Variants in LRRC72 observed in about 807,000 individuals in gnomAD.
LRRC72 encodes the protein leucine rich repeat containing 72, also known as leucine-rich repeat-containing protein 72.
A neutral mutation model predicts 35.8 loss-of-function variants in LRRC72; 41 were observed. The ratio of observed to expected loss-of-function variants is 1.15; its 90% confidence interval spans 0.89 to 1.49. LRRC72 has a LOEUF of 1.49. Among genes scored for constraint, LRRC72 ranks in the 40% most tolerant of loss-of-function variants. LRRC72 has a pLI of 0.00. For missense variants in LRRC72, 389 were observed against 330.7 expected (o/e 1.18, Z -1.37); for synonymous variants, 118 against 119.2 (o/e 0.99, Z 0.07).
At chr7:16,565,244 C>T (rs1029832175) in intron 5 of LRRC72, among the ~76,000 whole-genome samples, 8 of 152,138 alleles carry the variant, frequency 5.3e-5, no homozygotes, top group African/African-American at 1.9e-4. Flanking sequence ...ACCAGCCTTG[C>T]CAACATGGCG....
intron 8 of LRRC72, among the ~76,000 whole-genome samples, chr7:16,580,923 T>A (rs1044673504): frequency 2.0e-5 from 3 of 152,154 alleles, no homozygotes; most frequent in African/African-American, 7.2e-5. Flanking sequence ...TTGAATATTA[T>A]CTCCATGTAC....
chr7:16,580,812 A>G (rs923756244), intron 8 of LRRC72, among the ~76,000 whole-genome samples: 1 of 152,196 alleles, frequency 6.6e-6, no homozygotes, highest in Non-Finnish European at 1.5e-5. Context: ...GCACCTCACT[A>G]ATACTATGGA....
At chr7:16,543,987 T>C (rs551633779) in intron 3 of LRRC72, among the ~76,000 whole-genome samples, 1 of 152,348 alleles carries the variant, frequency 6.6e-6, no homozygotes, top group Admixed American at 6.5e-5. Flanking sequence ...AAAAGCATCC[T>C]ATTTGGATAT....
At chr7:16,573,662 A>G (rs1399684068) in intron 7 of LRRC72, among the ~76,000 whole-genome samples, 1 of 152,212 alleles carries the variant, frequency 6.6e-6, no homozygotes, top group Non-Finnish European at 1.5e-5. Flanking sequence ...CTCAAGATGG[A>G]TTAGAGACTT....
intron 3 of LRRC72, among the ~76,000 whole-genome samples, chr7:16,542,576 C>A (rs184171245): frequency 1.2e-3 from 181 of 152,272 alleles, no homozygotes; most frequent in African/African-American, 4.1e-3. Context: ...CTGAAGGAGG[C>A]TTCCAGGTCA....
At chr7:16,554,048 GC>G (rs1354329067) in intron 3 of LRRC72, among the ~76,000 whole-genome samples, 1 of 152,122 alleles carries the variant, frequency 6.6e-6, no homozygotes, top group Non-Finnish European at 1.5e-5. Context: ...ACATTTTACG[GC>G]CAGGTGCGGT....
chr7:16,552,670 G>C (rs1782574288), intron 3 of LRRC72, among the ~76,000 whole-genome samples: 1 of 152,154 alleles, frequency 6.6e-6, no homozygotes, highest in South Asian at 2.1e-4. Flanking sequence ...ACAGTTCCTG[G>C]AACTCAAAAC....
At chr7:16,528,505 C>T (rs1243487881) in intron 1 of LRRC72, among the ~76,000 whole-genome samples, 1 of 152,118 alleles carries the variant, frequency 6.6e-6, no homozygotes, top group Non-Finnish European at 1.5e-5. Flanking sequence ...TGACTTCCCT[C>T]GTGCTAATTC....
intron 7 of LRRC72, among the ~76,000 whole-genome samples, chr7:16,579,587 C>T (rs939116067): frequency 1.3e-5 from 2 of 152,054 alleles, no homozygotes; most frequent in African/African-American, 4.8e-5. Context: ...GATCTAGATT[C>T]TTGTGATCTA....
chr7:16,537,427 A>T (rs1782276097), intron 2 of LRRC72, among the ~76,000 whole-genome samples, 200 bp from the exon 3 acceptor site: 1 of 152,222 alleles, frequency 6.6e-6, no homozygotes, highest in Non-Finnish European at 1.5e-5. Context: ...ATCAGCTTCA[A>T]CTAGCTGACA....
chr7:16,539,972 A>G (rs555901423), intron 3 of LRRC72, among the ~76,000 whole-genome samples: 1 of 152,300 alleles, frequency 6.6e-6, no homozygotes, highest in African/African-American at 2.4e-5. Context: ...GTGAGGTTGG[A>G]GCCCCCACAC....
intron 2 of LRRC72, chr7:16,537,156 T>C (rs1359036076): frequency 6.5e-6 from 1 of 153,036 alleles, no homozygotes; most frequent in African/African-American, 2.4e-5. Context: ...ACAGTGTCTG[T>C]CTCTTGGTGT....
intron 1 of LRRC72, among the ~76,000 whole-genome samples, chr7:16,530,028 C>T (rs1168288685): frequency 6.6e-6 from 1 of 152,090 alleles, no homozygotes; most frequent in Non-Finnish European, 1.5e-5. Flanking sequence ...TATTGTTACA[C>T]ATATTATACT....
At chr7:16,567,899 T>C (rs765351056) in intron 7 of LRRC72, among the ~76,000 whole-genome samples, 6 of 152,138 alleles carry the variant, frequency 3.9e-5, no homozygotes, top group Non-Finnish European at 8.8e-5. Flanking sequence ...TAAGTCTATA[T>C]AATTTTTGAT....
chr7:16,544,398 A>G (rs969603176), intron 3 of LRRC72, among the ~76,000 whole-genome samples: 1 of 152,140 alleles, frequency 6.6e-6, no homozygotes, highest in Non-Finnish European at 1.5e-5. Flanking sequence ...TTCATATTGC[A>G]TAGATATTCA....
At chr7:16,559,375 C>T (rs1224878115) in intron 5 of LRRC72, among the ~76,000 whole-genome samples, 2 of 151,100 alleles carry the variant, frequency 1.3e-5, no homozygotes, top group African/African-American at 2.4e-5. Context: ...TCCTGGGTAA[C>T]AGAGCAAGAC....
chr7:16,531,017 T>G (rs1487308912), intron 1 of LRRC72, among the ~76,000 whole-genome samples: 1 of 151,696 alleles, frequency 6.6e-6, no homozygotes, highest in Non-Finnish European at 1.5e-5. Context: ...GCCAACATGG[T>G]GAAACCCCAT....
In LRRC72 at chr7:16,526,965, C is replaced by A; in HGVS notation, c.13C>A (p.Pro5Thr). MSWD[P>T]NPVPRTLRCW... ...CCCATGTGTCCTGATGTCCTGGGAC[C>A]CGAACCCCGTGCCCCGTACCTTGCG... Residue 5 changes from proline (P) to threonine (T), a missense_variant, in exon 1 of 9, where the codon CCG becomes ACG. Coordinates refer to ENST00000401542, the MANE Select transcript of LRRC72 (RefSeq NM_001195280.2). 1 of 1,539,840 alleles carries A rather than the reference C, an allele frequency of 6.5e-7. No homozygotes were observed. The highest frequency in any genetic ancestry group is 8.7e-7 in the Non-Finnish European group (1 of 1,146,934).
At chr7:16,578,606 T>C (rs943260906) in intron 7 of LRRC72, among the ~76,000 whole-genome samples, 1 of 152,254 alleles carries the variant, frequency 6.6e-6, no homozygotes, top group East Asian at 1.9e-4. Flanking sequence ...TATATATACA[T>C]GTATGTGTGT....
Sources: gnomAD v4.1 joint callset for allele counts (sites outside exome capture counted in the v4.1 genomes callset) on GRCh38, gnomAD v4.1.1 for gene constraint, MANE v1.5 for transcripts, NCBI Gene and HGNC (gene_info 2026-07-23, HGNC 2026-07-21) for gene names.